Variants in SYTL2 observed in about 807,000 individuals in gnomAD.
SYTL2 encodes synaptotagmin like 2, also known as synaptotagmin-like protein 2.
A neutral mutation model predicts 198.7 loss-of-function variants in SYTL2; 165 were observed. The ratio of observed to expected loss-of-function variants is 0.83; its 90% CI spans 0.73 to 0.94. SYTL2 has a LOEUF of 0.94. Among genes scored for constraint, SYTL2 ranks in the 40% least tolerant of loss-of-function variants. SYTL2 has a pLI of 0.00. For missense variants in SYTL2, 2,835 were observed against 2,582.8 expected, an observed-to-expected ratio of 1.10 and a Z score of -2.12; for synonymous variants, 966 against 917.7, an observed-to-expected ratio of 1.05 and a Z score of -0.95.
chr11:85,813,452 A>G (rs1326119078), upstream of SYTL2, among the ~76,000 whole-genome samples: 2 of 152,200 alleles, frequency 1.3e-5, no homozygotes, highest in Non-Finnish European at 2.9e-5. Context: ...CAAGTCAGCA[A>G]TGGCCTGTTC....
chr11:85,785,874 G>C (rs552371102), intron 1 of SYTL2, among the ~76,000 whole-genome samples: 1 of 152,310 alleles, frequency 6.6e-6, no homozygotes, highest in East Asian at 1.9e-4. Flanking sequence ...TCCCAAGGAA[G>C]GAATGACAGT....
chr11:85,764,579 G>C (rs898420394), intron 1 of SYTL2, among the ~76,000 whole-genome samples: 4 of 152,170 alleles, frequency 2.6e-5, no homozygotes, highest in Non-Finnish European at 5.9e-5. Flanking sequence ...CAAGTTTCCT[G>C]ATTCCTAGAC....
At chr11:85,802,104 G>A (rs564241812) in intron 1 of SYTL2, among the ~76,000 whole-genome samples, 33 of 151,966 alleles carry the variant, frequency 2.2e-4, no homozygotes, top group African/African-American at 7.0e-4. Context: ...ATGGGCCACC[G>A]TGCCTGGCCT....
intron 1 of SYTL2, among the ~76,000 whole-genome samples, chr11:85,801,099 T>A (rs1012118287): frequency 6.6e-6 from 1 of 152,186 alleles, no homozygotes; most frequent in African/African-American, 2.4e-5. Flanking sequence ...CCATTTCCCA[T>A]AGATGATAGT....
chr11:85,788,451 T>C (rs2092671724), intron 1 of SYTL2, among the ~76,000 whole-genome samples: 1 of 152,202 alleles, frequency 6.6e-6, no homozygotes, highest in African/African-American at 2.4e-5. Flanking sequence ...GCATGTTTTC[T>C]ATTAGTTGAA....
At chr11:85,840,614 A>C in the SYTL2 span, among the ~76,000 whole-genome samples, 1 of 152,168 alleles carries the variant, frequency 6.6e-6, no homozygotes, top group African/African-American at 2.4e-5. Flanking sequence ...GGTGACAATA[A>C]CCAACAATGG....
In SYTL2 at chr11:85,725,566, T is replaced by C. The variant is rs1441098177; in HGVS notation, c.3792A>G (p.Arg1264=). ...EQSHNTSADK[R]EILAPFPVRD... ...TCACTGGAAAAGGAGCTAGTATTTC[T>C]CTCTTATCAGCTGAAGTATTGTGAC... is the stretch of plus-strand genomic sequence containing the variant. The change falls in exon 8 of 20, where the codon AGA becomes AGG. Residue 1264 remains arginine, a synonymous_variant. Coordinates refer to ENST00000359152, the MANE Select transcript of SYTL2 (RefSeq NM_206927.4). 6.2e-7 allele frequency: 1 copy of C among 1,614,110 alleles called. No individual in the cohort carries two copies. Among genetic ancestry groups the C allele is most frequent in the Non-Finnish European group, 8.5e-7 (1 of 1,179,992 alleles).
In SYTL2 at chr11:85,695,935, T is replaced by C. The variant is rs534297829; in HGVS notation, c.6574+248A>G. 3.9e-5 allele frequency among the ~76,000 whole-genome samples: 6 copies of C among 152,322 alleles called. No homozygotes were observed. The East Asian group carries it at 1.2e-3, about 29-fold the overall frequency. ...AGGGCAGACTAGTGATGAAGGCTTT[T>C]CTGTCCCTGCCACTGCCACAATAAC... On this transcript the variant is annotated intron_variant, in intron 19 of 19. Coordinates refer to ENST00000359152, the MANE Select transcript of SYTL2 (RefSeq NM_206927.4).
At chr11:85,836,472 G>A in the SYTL2 span, among the ~76,000 whole-genome samples, 5,554 of 151,546 alleles carry the variant, frequency 0.037, 136 homozygotes, top group African/African-American at 0.069. Context: ...GGCACTATGA[G>A]GTATGTAAAA....
the SYTL2 span, among the ~76,000 whole-genome samples, chr11:85,830,183 G>A: frequency 5.3e-5 from 8 of 152,188 alleles, no homozygotes; most frequent in African/African-American, 1.9e-4. Context: ...GAGTTTCTGA[G>A]TCAATAGGGC....
Position 85,717,506 on chromosome 11 carries a change from A to T in SYTL2, c.5507T>A (p.Val1836Asp). The change falls in exon 11 of 20, where the codon GTT becomes GAT. Residue 1836 changes from valine (V) to aspartate (D), a missense_variant. Val to Asp is a radical substitution (Grantham distance 152). This residue lies in a region of SYTL2 where 2,645 missense variants were observed against 2,381.7 expected (regional missense o/e 1.11). Coordinates refer to ENST00000359152, the MANE Select transcript of SYTL2 (RefSeq NM_206927.4). ...EDDEKPDQKP[V>D]TNECVPRIST... is the part of the protein sequence containing the mutation. ...ACTTCTTGGTACGCATTCATTTGTAACTGGCTTCTGATCTGGTTTCTCATC... is the reference window on the plus strand; with the variant it reads ...ACTTCTTGGTACGCATTCATTTGTATCTGGCTTCTGATCTGGTTTCTCATC... The T allele has an allele frequency of 6.2e-7, 1 of 1,613,260 alleles. No individual in the cohort carries two copies. Among genetic ancestry groups the T allele is most frequent in the Non-Finnish European group, 8.5e-7 (1 of 1,179,398 alleles).
chr11:85,723,746 GTAA>G (rs2088691207), intron 8 of SYTL2, among the ~76,000 whole-genome samples: 4 of 152,080 alleles, frequency 2.6e-5, no homozygotes, highest in Admixed American at 1.3e-4. Context: ...GCTGTTTTAC[GTAA>G]TGCATTTGAT....
intron 9 of SYTL2, 101 bp from the exon 10 acceptor site, chr11:85,718,944 T>C: frequency 6.4e-7 from 1 of 1,552,470 alleles, no homozygotes; most frequent in Non-Finnish European, 8.7e-7. Context: ...AAGCAATTAG[T>C]CAAGATGCAA....
chr11:85,825,383 G>A, the SYTL2 span, among the ~76,000 whole-genome samples: 2 of 75,098 alleles, frequency 2.7e-5, no homozygotes, highest in Non-Finnish European at 5.2e-5. Context: ...GCGAGACTCC[G>A]TCTCAAAAAA....
At chr11:85,807,518 T>G (rs1316140884) in intron 1 of SYTL2, among the ~76,000 whole-genome samples, 1 of 152,218 alleles carries the variant, frequency 6.6e-6, no homozygotes, top group African/African-American at 2.4e-5. Context: ...TATCATCAAT[T>G]TATAAAAGTG....
rs1436676115 is a variant in SYTL2 at position 85,726,388 on chromosome 11, G to T, written c.2970C>A (p.Asp990Glu). Residue 990 changes from aspartate (D) to glutamate (E), a missense_variant, in exon 8 of 20, where the codon GAC becomes GAA. This residue lies in a region of SYTL2 where 2,645 missense variants were observed against 2,381.7 expected (regional missense o/e 1.11). Coordinates refer to ENST00000359152, the MANE Select transcript of SYTL2 (RefSeq NM_206927.4). ...SQFENLRKFW[D>E]LEANSNSKDN... ...CCTTACTGTTTGAATTAGCTTCTAAGTCCCAAAACTTTCTCAAATTCTCAA... is the reference window on the plus strand; with the variant it reads ...CCTTACTGTTTGAATTAGCTTCTAATTCCCAAAACTTTCTCAAATTCTCAA... 5.6e-6 allele frequency: 9 copies of T among 1,613,292 alleles called. No individual in the cohort carries two copies. Among genetic ancestry groups the T allele is most frequent in the Non-Finnish European group, 7.6e-6 (9 of 1,179,856 alleles).
intron 12 of SYTL2, among the ~76,000 whole-genome samples, chr11:85,712,878 G>C (rs138214551): frequency 6.6e-6 from 1 of 151,904 alleles, no homozygotes; most frequent in African/African-American, 2.4e-5. Context: ...CACCATGCCC[G>C]GCTAATTTTT....
chr11:85,735,881 T>C lies in SYTL2; in HGVS notation c.586+620A>G, dbSNP rs11234396. Among the ~76,000 whole-genome samples the C allele has an allele frequency of 1.4e-3, 218 of 152,356 alleles. 3 individuals carry two copies. The East Asian group carries it at 0.029, about 20-fold the overall frequency. On this transcript the variant is annotated intron_variant, in intron 6 of 19. Transcript: ENST00000359152. The stretch of plus-strand genomic sequence containing the variant: ...GTATTTTAATATTCAGACAGGCTAA[T>C]TGAAAACCCCAGCTCCACTGTTTTT...
intron 12 of SYTL2, among the ~76,000 whole-genome samples, chr11:85,711,504 C>T (rs1002543253): frequency 6.6e-6 from 1 of 152,202 alleles, no homozygotes; most frequent in Non-Finnish European, 1.5e-5. Flanking sequence ...CTGCAGAAGA[C>T]AGCACTATTG....
Sources: allele counts gnomAD v4.1 joint callset (sites outside exome capture counted in the v4.1 genomes callset), GRCh38; gene constraint gnomAD v4.1.1; regional missense constraint gnomAD v4.1.1; transcripts MANE v1.5; gene names NCBI Gene and HGNC (gene_info 2026-07-23, HGNC 2026-07-21).